Variants in FAM107B observed in about 807,000 individuals in gnomAD.
FAM107B encodes family with sequence similarity 107 member B.
Under a neutral mutation model 31.5 loss-of-function variants are expected in FAM107B, and 21 were observed. That is an observed-to-expected ratio of 0.67 (90% CI 0.47 to 0.96). The LOEUF is 0.96. Among genes scored for constraint, FAM107B ranks in the 40% least tolerant of loss-of-function variants. The pLI is 0.00. For missense variants in FAM107B, 452 were observed against 377.1 expected, an observed-to-expected ratio of 1.20 and a Z score of -1.64; for synonymous variants, 157 against 141.5, an observed-to-expected ratio of 1.11 and a Z score of -0.78.
chr10:14,705,092 C>A (rs1855490433), intron 1 of FAM107B, among the ~76,000 whole-genome samples: 1 of 148,928 alleles, frequency 6.7e-6, no homozygotes, highest in Admixed American at 6.7e-5. Context: ...TACACAAATG[C>A]CAATAAGCTC....
At chr10:14,608,741 T>TA (rs1304884607) in intron 2 of FAM107B, among the ~76,000 whole-genome samples, 1 of 152,156 alleles carries the variant, frequency 6.6e-6, no homozygotes, top group Non-Finnish European at 1.5e-5. Flanking sequence ...ATTCTACCAT[T>TA]AAAAATGTCA....
chr10:14,756,316 G>A (rs1190932271), intron 1 of FAM107B, among the ~76,000 whole-genome samples: 3 of 152,142 alleles, frequency 2.0e-5, no homozygotes, highest in African/African-American at 7.2e-5. Context: ...AATTTGGCTA[G>A]GGCACAGTAC....
intron 2 of FAM107B, among the ~76,000 whole-genome samples, chr10:14,629,519 A>T (rs187396850): frequency 0.036 from 4,054 of 112,882 alleles, 280 homozygotes; most frequent in East Asian, 0.095. Context: ...ATATATATAT[A>T]TATTTTTTTT....
chr10:14,652,210 C>A (rs565461154), intron 2 of FAM107B, among the ~76,000 whole-genome samples: 19 of 152,146 alleles, frequency 1.2e-4, no homozygotes, highest in Non-Finnish European at 1.8e-4. Flanking sequence ...CAAAGCATGA[C>A]TTTCTATGCA....
intron 2 of FAM107B, among the ~76,000 whole-genome samples, chr10:14,649,955 T>C (rs555720454): frequency 1.3e-5 from 2 of 152,350 alleles, no homozygotes; most frequent in East Asian, 3.9e-4. Context: ...GATGCAGGCA[T>C]GTCCTGTGCG....
chr10:14,530,928 G>GA (rs1846914501), intron 2 of FAM107B, among the ~76,000 whole-genome samples: 1 of 152,218 alleles, frequency 6.6e-6, no homozygotes, highest in Non-Finnish European at 1.5e-5. Context: ...CATGTGTCAG[G>GA]AAAGAGGGGC....
intron 2 of FAM107B, among the ~76,000 whole-genome samples, chr10:14,665,440 T>C (rs1854379921): frequency 6.6e-6 from 1 of 152,218 alleles, no homozygotes; most frequent in Non-Finnish European, 1.5e-5. Context: ...AGTAATGATG[T>C]CCTCCCAACG....
intron 1 of FAM107B, among the ~76,000 whole-genome samples, chr10:14,719,378 T>C (rs567682550): frequency 9.9e-5 from 15 of 152,222 alleles, no homozygotes; most frequent in Non-Finnish European, 1.9e-4. Flanking sequence ...GTAAGTGTCC[T>C]AATACAACAT....
At chr10:14,706,650 G>A (rs1855527033) in intron 1 of FAM107B, among the ~76,000 whole-genome samples, 2 of 152,184 alleles carry the variant, frequency 1.3e-5, no homozygotes. Context: ...TGACTATTGT[G>A]TAATATAGAC....
intron 1 of FAM107B, among the ~76,000 whole-genome samples, chr10:14,730,949 G>A (rs1219296624): frequency 3.9e-5 from 6 of 152,200 alleles, no homozygotes; most frequent in African/African-American, 1.4e-4. Flanking sequence ...AGGGAGTGGA[G>A]GCAGAAGATC....
chr10:14,644,576 G>T (rs1467278352), intron 2 of FAM107B, among the ~76,000 whole-genome samples: 1 of 152,126 alleles, frequency 6.6e-6, no homozygotes, highest in African/African-American at 2.4e-5. Flanking sequence ...ATATCATCTT[G>T]GTTTTGCTTC....
chr10:14,723,653 C>A (rs769843314), intron 1 of FAM107B: 5 of 734,608 alleles, frequency 6.8e-6, no homozygotes, highest in East Asian at 2.5e-5. Flanking sequence ...GATTACTCTG[C>A]GAGAGGCTGG....
At chr10:14,668,280 T>A (rs1854459177) in intron 1 of FAM107B, among the ~76,000 whole-genome samples, 2 of 152,064 alleles carry the variant, frequency 1.3e-5, no homozygotes, top group African/African-American at 2.4e-5. Flanking sequence ...CCTGACCTCA[T>A]GATCTGCCTG....
At chr10:14,761,508 C>T (rs1452370486) in intron 1 of FAM107B, among the ~76,000 whole-genome samples, 5 of 152,108 alleles carry the variant, frequency 3.3e-5, no homozygotes, top group Non-Finnish European at 7.3e-5. Context: ...AATACGTCTG[C>T]ATAGTATTTA....
rs1166706903 is a variant in FAM107B, at chr10:14,526,840, AT to A, written c.653+3491del. ...TCTCTAAATAATATCAGAAATATTAATTTTTTTTTTTTTTTGAGACGGAGTC... is the reference window on the plus strand; with the variant it reads ...TCTCTAAATAATATCAGAAATATTAATTTTTTTTTTTTTTGAGACGGAGTC... On this transcript the variant is annotated intron_variant, in intron 3 of 4. Coordinates refer to ENST00000181796, the MANE Select transcript of FAM107B (RefSeq NM_031453.4). 4.1e-3 allele frequency among the ~76,000 whole-genome samples: 600 copies of A among 147,786 alleles called. 6 individuals carry two copies. The highest frequency in any genetic ancestry group is 0.011 in the East Asian group (56 of 5,050).
intron 2 of FAM107B, among the ~76,000 whole-genome samples, chr10:14,547,396 C>T (rs1338369769): frequency 6.6e-6 from 1 of 152,144 alleles, no homozygotes; most frequent in Admixed American, 6.5e-5. Flanking sequence ...CATCTCAAAT[C>T]TCCGTATATT....
intron 1 of FAM107B, among the ~76,000 whole-genome samples, chr10:14,727,149 T>C (rs1856054059): frequency 6.6e-6 from 1 of 152,062 alleles, no homozygotes; most frequent in Non-Finnish European, 1.5e-5. Context: ...CAGGCAGTAA[T>C]GCAAGTAATG....
intron 2 of FAM107B, among the ~76,000 whole-genome samples, chr10:14,539,692 G>T (rs1166158408): frequency 1.3e-5 from 2 of 152,148 alleles, no homozygotes; most frequent in Non-Finnish European, 2.9e-5. Context: ...CTGGCTCAGG[G>T]AAGGAGGTAA....
intron 2 of FAM107B, among the ~76,000 whole-genome samples, chr10:14,606,274 G>T (rs1677699678): frequency 6.6e-6 from 1 of 151,984 alleles, no homozygotes; most frequent in South Asian, 2.1e-4. Flanking sequence ...ATCCCCAAGA[G>T]CTCCTCTCCT....
Sources: allele counts gnomAD v4.1 joint callset (sites outside exome capture counted in the v4.1 genomes callset), GRCh38; gene constraint gnomAD v4.1.1; transcripts MANE v1.5; gene names NCBI Gene and HGNC (gene_info 2026-07-23, HGNC 2026-07-21).